Variants in CELF2 observed in about 807,000 individuals in gnomAD.
CELF2 encodes the protein CUG triplet repeat RNA-binding protein 2.
Under a neutral mutation model 62.6 loss-of-function variants are expected in CELF2, and 8 were observed. That is an observed-to-expected ratio of 0.13 (90% CI 0.07 to 0.23). The LOEUF is 0.23. CELF2 is among the 10% of genes least tolerant of loss of function. The probability of loss-of-function intolerance (pLI) is 1.00; values close to 1 mark genes in which losing one functional copy is unlikely to be tolerated. For missense variants in CELF2, 333 were observed against 671.0 expected, an observed-to-expected ratio of 0.50 and a Z score of 5.56; for synonymous variants, 258 against 250.0, an observed-to-expected ratio of 1.03 and a Z score of -0.30.
intron 4 of CELF2, among the ~76,000 whole-genome samples, chr10:11,253,244 C>T (rs1461681145): frequency 6.6e-6 from 1 of 152,204 alleles, no homozygotes; most frequent in Admixed American, 6.5e-5. Flanking sequence ...AACCCTCCAA[C>T]CTCACAATTT....
At chr10:11,139,247 T>C (rs916609584) in intron 1 of CELF2, among the ~76,000 whole-genome samples, 5 of 152,224 alleles carry the variant, frequency 3.3e-5, no homozygotes, top group African/African-American at 1.2e-4. Flanking sequence ...ACTATCAGAA[T>C]TTTATAGCTT....
chr10:10,883,367 C>T (rs1214290344), intron 1 of CELF2, among the ~76,000 whole-genome samples: 2 of 152,114 alleles, frequency 1.3e-5, no homozygotes, highest in African/African-American at 4.8e-5. Context: ...CAGCATTTTT[C>T]GTGTTCCAAA....
At chr10:10,535,046 C>T in the CELF2 span, among the ~76,000 whole-genome samples, 1 of 152,190 alleles carries the variant, frequency 6.6e-6, no homozygotes, top group South Asian at 2.1e-4. Flanking sequence ...ATGGAGGGAT[C>T]TTAGTTTACC....
chr10:10,927,774 C>T (rs948209214), intron 2 of CELF2, among the ~76,000 whole-genome samples: 16 of 152,230 alleles, frequency 1.1e-4, no homozygotes, highest in South Asian at 1.0e-3. Context: ...TCTTTCCAAG[C>T]CACCATAAAC....
the CELF2 span, among the ~76,000 whole-genome samples, chr10:10,742,870 G>T: frequency 1.3e-5 from 2 of 152,188 alleles, no homozygotes; most frequent in Non-Finnish European, 2.9e-5. Context: ...GAAGAGAGTG[G>T]CATCTTCATG....
rs2050413526 is a variant in CELF2 at position 11,098,107 on chromosome 10, G to A, written c.75-67379G>A. On this transcript the variant is annotated intron_variant, in intron 1 of 12. Coordinates refer to ENST00000633077, the MANE Select transcript of CELF2 (RefSeq NM_001326342.2). The surrounding 1 kb of genome is among the most constrained non-coding windows in gnomAD (Gnocchi z 4.0). ...AATTCAGGATGATGTGAGAAAGAAAGTCACGTGGCTAGTGAAGGTTGAGCA... is the reference window on the plus strand; with the variant it reads ...AATTCAGGATGATGTGAGAAAGAAAATCACGTGGCTAGTGAAGGTTGAGCA... 6.6e-6 allele frequency: 1 copy of A among 152,444 alleles called. No homozygotes were observed. The highest frequency in any genetic ancestry group is 1.5e-5 in the Non-Finnish European group (1 of 68,180). The allele number at this position is 152,444 out of a possible 1,614,324, so 9.4% of individuals were successfully genotyped here. A position where few individuals can be genotyped will look rare whatever the true frequency, so the allele number is the denominator to read the frequency against.
chr10:10,593,516 A>G, the CELF2 span, among the ~76,000 whole-genome samples: 1 of 152,212 alleles, frequency 6.6e-6, no homozygotes, highest in South Asian at 2.1e-4. Flanking sequence ...CCCATTAGCC[A>G]TAGCAAGTCA....
the CELF2 span, among the ~76,000 whole-genome samples, chr10:10,662,188 G>A: frequency 1.3e-5 from 2 of 152,118 alleles, no homozygotes; most frequent in African/African-American, 4.8e-5. Flanking sequence ...TCAGCCACTA[G>A]GAGACATAAA....
chr10:10,916,104 T>C (rs6602467), intron 1 of CELF2, among the ~76,000 whole-genome samples: 12,462 of 152,264 alleles, frequency 0.082, 1,095 homozygotes, highest in African/African-American at 0.22. Context: ...CAATTTATTT[T>C]CCTCAAGGGT....
At chr10:11,241,693 C>G (rs537197612) in intron 3 of CELF2, among the ~76,000 whole-genome samples, 58 of 152,092 alleles carry the variant, frequency 3.8e-4, no homozygotes, top group African/African-American at 1.4e-3. Context: ...TGATTATTCC[C>G]CATCTCTGCT....
chr10:10,714,560 G>A, the CELF2 span, among the ~76,000 whole-genome samples: 4 of 152,148 alleles, frequency 2.6e-5, no homozygotes, highest in African/African-American at 7.2e-5. Context: ...CACACCAATT[G>A]AGATCAAGAG....
At chr10:10,883,093 C>T (rs908209964) in intron 1 of CELF2, among the ~76,000 whole-genome samples, 1 of 152,092 alleles carries the variant, frequency 6.6e-6, no homozygotes, top group South Asian at 2.1e-4. Flanking sequence ...TGTATTTTAA[C>T]AGGCCATTAC....
At chr10:10,560,648 T>A in the CELF2 span, among the ~76,000 whole-genome samples, 6 of 152,030 alleles carry the variant, frequency 3.9e-5, no homozygotes, top group Non-Finnish European at 8.8e-5. Context: ...TACCATTTGA[T>A]CCACCAATCT....
intron 2 of CELF2, among the ~76,000 whole-genome samples, chr10:10,971,268 CT>C (rs1333832557): frequency 6.6e-6 from 1 of 152,152 alleles, no homozygotes. Flanking sequence ...CAGCTACTTT[CT>C]TTTTATACAA....
chr10:11,275,026 C>T (rs781446934), intron 7 of CELF2, 31 bp from the exon 8 acceptor site: 4 of 1,609,432 alleles, frequency 2.5e-6, no homozygotes, highest in South Asian at 1.1e-5. Flanking sequence ...CTCTCACCGT[C>T]TCCACTTTGC....
Position 11,110,088 on chromosome 10 carries a change from A to G in CELF2, c.75-55398A>G, listed in dbSNP as rs1233715128. ...AGCTTGGGCAACATAGCAAGACCTC[A>G]TTGCTACTAAAAATTTTTAAAAATT... On this transcript the variant is annotated intron_variant, in intron 1 of 12. Transcript: ENST00000633077. This position sits in a 1 kb window ranked among gnomAD's most constrained non-coding sequence, Gnocchi z 4.0. 6.6e-6 allele frequency among the ~76,000 whole-genome samples: 1 copy of G among 152,022 alleles called. No individual in the cohort carries two copies. Among genetic ancestry groups the G allele is most frequent in the Non-Finnish European group, 1.5e-5 (1 of 68,014 alleles).
chr10:10,682,093 T>C, the CELF2 span, among the ~76,000 whole-genome samples: 3 of 152,316 alleles, frequency 2.0e-5, no homozygotes, highest in African/African-American at 7.2e-5. Context: ...TCAATTGATA[T>C]GGTAAAATAG....
chr10:10,665,531 G>A, the CELF2 span, among the ~76,000 whole-genome samples: 3 of 152,080 alleles, frequency 2.0e-5, no homozygotes, highest in African/African-American at 7.2e-5. Context: ...GAGACTCGTT[G>A]TCCACCCTGG....
At chr10:10,480,118 A>G in the CELF2 span, among the ~76,000 whole-genome samples, 19 of 152,290 alleles carry the variant, frequency 1.2e-4, no homozygotes, top group Admixed American at 3.9e-4. Flanking sequence ...TCTTCACCAC[A>G]TAGCTCGGTG....
Sources: allele counts gnomAD v4.1 joint callset (sites outside exome capture counted in the v4.1 genomes callset), GRCh38; gene constraint gnomAD v4.1.1; non-coding constraint Gnocchi (gnomAD v3.1); transcripts MANE v1.5; gene names NCBI Gene and HGNC (gene_info 2026-07-23, HGNC 2026-07-21).